Variants in CSMD1 observed in about 807,000 individuals in gnomAD.
The protein encoded by CSMD1 is CUB and Sushi multiple domains 1.
A neutral mutation model predicts 417.5 loss-of-function variants in CSMD1; 213 were observed. The observed-to-expected ratio is 0.51, with a 90% CI of 0.46 to 0.57. The LOEUF is 0.57. Among genes scored for constraint, CSMD1 ranks in the 20% least tolerant of loss-of-function variants. The probability of loss-of-function intolerance (pLI) is 0.00; values close to 1 mark genes in which losing one functional copy is unlikely to be tolerated. For missense variants in CSMD1, 6,923 were observed against 4,529.7 expected, an observed-to-expected ratio of 1.53 and a Z score of -15.17; for synonymous variants, 2,862 against 1,736.8, an observed-to-expected ratio of 1.65 and a Z score of -16.11.
At chr8:3,067,933 G>C (rs985759777) in intron 49 of CSMD1, among the ~76,000 whole-genome samples, 1 of 152,084 alleles carries the variant, frequency 6.6e-6, no homozygotes, top group Non-Finnish European at 1.5e-5. Context: ...CATCTAGTAA[G>C]GGGTAAAGCC....
At chr8:3,840,905 C>G (rs146800554) in intron 5 of CSMD1, among the ~76,000 whole-genome samples, 12 of 152,040 alleles carry the variant, frequency 7.9e-5, no homozygotes, top group African/African-American at 2.9e-4. Flanking sequence ...CGAGGTTTCA[C>G]CATATCGGTC....
chr8:4,226,299 G>C (rs368273304), intron 3 of CSMD1, among the ~76,000 whole-genome samples: 3 of 152,092 alleles, frequency 2.0e-5, no homozygotes, highest in Non-Finnish European at 4.4e-5. Flanking sequence ...AATAGTTGTT[G>C]ACATTCAAAA....
At chr8:3,289,590 T>A (rs1355430493) in intron 25 of CSMD1, among the ~76,000 whole-genome samples, 1 of 145,576 alleles carries the variant, frequency 6.9e-6, no homozygotes, top group Non-Finnish European at 1.5e-5. Flanking sequence ...TGATGAGCAT[T>A]TTTTCATGTG....
chr8:3,873,647 C>T (rs1805629104), intron 5 of CSMD1, among the ~76,000 whole-genome samples: 1 of 152,012 alleles, frequency 6.6e-6, no homozygotes, highest in Non-Finnish European at 1.5e-5. Flanking sequence ...CATATCAAAC[C>T]CCCATGACAC....
rs1283333498 is a variant in CSMD1 at position 3,237,787 on chromosome 8, ACTAC to A, written c.4154-7560_4154-7557del. 5.0e-4 allele frequency among the ~76,000 whole-genome samples: 59 copies of A among 117,352 alleles called. 1 individual carries two copies. The highest frequency in any genetic ancestry group is 6.5e-4 in the Non-Finnish European group (38 of 58,318). The allele number at this position is 117,352 out of a possible 152,430, so 77.0% of individuals were successfully genotyped here. A position where few individuals can be genotyped will look rare whatever the true frequency, so the allele number is the denominator to read the frequency against. ...ATATAATTTTTATAATTATACTTATACTACAAGTATAATTTTTATAATTATACTT... is the reference window on the plus strand; with the variant it reads ...ATATAATTTTTATAATTATACTTATAAAGTATAATTTTTATAATTATACTT... On this transcript the variant is annotated intron_variant, in intron 26 of 69. Coordinates refer to ENST00000635120, the MANE Select transcript of CSMD1 (RefSeq NM_033225.6).
intron 42 of CSMD1, among the ~76,000 whole-genome samples, chr8:3,113,852 T>C (rs979203743): frequency 2.0e-5 from 3 of 152,164 alleles, no homozygotes; most frequent in Non-Finnish European, 4.4e-5. Context: ...TGCTACCTTT[T>C]CCTCTCTTTA....
At chr8:3,924,060 G>A (rs1179210560) in intron 5 of CSMD1, among the ~76,000 whole-genome samples, 2 of 152,142 alleles carry the variant, frequency 1.3e-5, no homozygotes, top group Admixed American at 6.5e-5. Context: ...TCCCTTTAGC[G>A]TTTCTTGCAG....
At chr8:4,679,803 C>A (rs1338886926) in intron 1 of CSMD1, among the ~76,000 whole-genome samples, 2 of 151,826 alleles carry the variant, frequency 1.3e-5, no homozygotes, top group African/African-American at 2.4e-5. Flanking sequence ...TTATAAAATG[C>A]ATAATTATTT....
At chr8:4,051,116 G>A (rs1585209025) in intron 3 of CSMD1, among the ~76,000 whole-genome samples, 1 of 151,056 alleles carries the variant, frequency 6.6e-6, no homozygotes, top group Non-Finnish European at 1.5e-5. Context: ...GGAGAACCAG[G>A]AAAAAGAAAA....
intron 5 of CSMD1, among the ~76,000 whole-genome samples, chr8:3,831,797 G>A (rs1301892602): frequency 6.6e-6 from 1 of 151,996 alleles, no homozygotes; most frequent in Non-Finnish European, 1.5e-5. Flanking sequence ...CTCACACGCG[G>A]GACTGTGAAA....
At chr8:2,985,797 G>A (rs530250918) in intron 54 of CSMD1, among the ~76,000 whole-genome samples, 1 of 152,052 alleles carries the variant, frequency 6.6e-6, no homozygotes, top group Non-Finnish European at 1.5e-5. Context: ...ACAGGTGGAC[G>A]GGTCTGGTAC....
chr8:3,053,633 T>C (rs573525332), intron 49 of CSMD1, among the ~76,000 whole-genome samples: 149 of 152,292 alleles, frequency 9.8e-4, no homozygotes, highest in Non-Finnish European at 1.6e-3. Flanking sequence ...GATGAGGTTT[T>C]ATAAAAAACA....
intron 2 of CSMD1, among the ~76,000 whole-genome samples, chr8:4,515,945 G>C (rs1453291237): frequency 6.6e-6 from 1 of 152,156 alleles, no homozygotes; most frequent in Non-Finnish European, 1.5e-5. Context: ...GAGCCTGCCT[G>C]CTTTGCATAC....
chr8:4,158,002 C>T (rs1479061255), intron 3 of CSMD1, among the ~76,000 whole-genome samples: 1 of 152,124 alleles, frequency 6.6e-6, no homozygotes, highest in South Asian at 2.1e-4. Flanking sequence ...CCCTTTCCTG[C>T]TCAACTGCCC....
chr8:3,472,089 GC>G (rs1204725583), intron 11 of CSMD1, among the ~76,000 whole-genome samples: 1 of 152,124 alleles, frequency 6.6e-6, no homozygotes, highest in Non-Finnish European at 1.5e-5. Flanking sequence ...CCTTCGTGTA[GC>G]CCCTGGCTTG....
At chr8:3,233,347 G>T (rs557820997) in intron 26 of CSMD1, among the ~76,000 whole-genome samples, 10 of 152,202 alleles carry the variant, frequency 6.6e-5, no homozygotes, top group Non-Finnish European at 1.5e-4. Flanking sequence ...CTCGCCAGGC[G>T]ATGCCTGCAC....
At chr8:3,844,593 A>G (rs1803361673) in intron 5 of CSMD1, among the ~76,000 whole-genome samples, 1 of 152,180 alleles carries the variant, frequency 6.6e-6, no homozygotes, top group African/African-American at 2.4e-5. Flanking sequence ...ATGTCATTTG[A>G]AAAGGCAAGG....
At chr8:4,320,292 G>C (rs926235605) in intron 3 of CSMD1, among the ~76,000 whole-genome samples, 2 of 152,120 alleles carry the variant, frequency 1.3e-5, no homozygotes, top group Non-Finnish European at 2.9e-5. Flanking sequence ...ATGAATACAA[G>C]AGTGTTCACC....
intron 2 of CSMD1, among the ~76,000 whole-genome samples, chr8:4,529,913 T>C (rs1796708109): frequency 6.6e-6 from 1 of 151,746 alleles, no homozygotes; most frequent in Non-Finnish European, 1.5e-5. Flanking sequence ...TTATTTTTAT[T>C]TATTTTTGTT....
Sources: gnomAD v4.1 joint callset for allele counts (sites outside exome capture counted in the v4.1 genomes callset) on GRCh38, gnomAD v4.1.1 for gene constraint, MANE v1.5 for transcripts, NCBI Gene and HGNC (gene_info 2026-07-23, HGNC 2026-07-21) for gene names.